Variants in TEPSIN observed in about 807,000 individuals in gnomAD.
TEPSIN encodes the protein TEPSIN adaptor related protein complex 4 accessory protein.
Under a neutral mutation model 48.5 loss-of-function variants are expected in TEPSIN, and 50 were observed. That is an observed-to-expected ratio of 1.03 (90% CI 0.82 to 1.31). The LOEUF is 1.31. TEPSIN is among the 50% of genes most tolerant of loss of function. TEPSIN has a pLI of 0.00. For missense variants in TEPSIN, 838 were observed against 815.9 expected (o/e 1.03, Z -0.33); for synonymous variants, 392 against 358.8 (o/e 1.09, Z -1.05).
rs375558884 is a variant in TEPSIN, at chr17:81,229,312, C to T, written c.1398G>A (p.Pro466=). The T allele has an allele frequency of 9.6e-6, 15 of 1,569,484 alleles. No individual in the cohort carries two copies. The highest frequency in any genetic ancestry group is 4.6e-5 in the East Asian group (2 of 43,082). The change falls in exon 13 of 13, where the codon CCG becomes CCA. Residue 466 remains proline (P), a synonymous_variant. Coordinates refer to ENST00000637944, the MANE Select transcript of TEPSIN (RefSeq NM_001363764.2). ...QVFLQPLSST[P]VSSRSPAPSS... ...AGGGAGCAGGGCTCCGGGACGAGAC[C>T]GGGGTTGAACTCAGAGGCTGCAGGA... is the stretch of plus-strand genomic sequence containing the variant.
chr17:81,231,398 C>A lies in TEPSIN; in HGVS notation c.1098G>T (p.Leu366=). The change falls in exon 11 of 13, where the codon CTG becomes CTT. Residue 366 remains leucine (L), a splice_region_variant and synonymous_variant. Transcript: ENST00000637944. ...HLRGTSECTQ[L]RALCAIASLG... Reference sequence around the variant, plus strand: ...CCTCCCGCCCGCGTGTGCAGCTCACCAGCTGCGTGCATTCACTGGTCCCAC... The same window carrying A: ...CCTCCCGCCCGCGTGTGCAGCTCACAAGCTGCGTGCATTCACTGGTCCCAC... 1.3e-6 allele frequency: 2 copies of A among 1,547,484 alleles called. No individual in the cohort carries two copies. Among genetic ancestry groups the A allele is most frequent in the Non-Finnish European group, 1.7e-6 (2 of 1,145,914 alleles).
Position 81,229,444 on chromosome 17 carries a change from C to A in TEPSIN, c.1266G>T (p.Gln422His). ...CTGAGGTGCCCCGGGCAGGGGACAG[C>A]TGCCCACAGGAGGCCTCAAAGTGCC... Reference protein sequence around the residue: ...ILRHFEASCGQLSPARGTSAE... With the variant: ...ILRHFEASCGHLSPARGTSAE... The change falls in exon 13 of 13, where the codon CAG (glutamine) becomes CAT (histidine). Residue 422 changes from glutamine to histidine, a missense_variant. Physicochemically the swap from Gln to His is conservative, Grantham distance 24. Coordinates refer to ENST00000637944, the MANE Select transcript of TEPSIN (RefSeq NM_001363764.2). The A allele has an allele frequency of 3.9e-6, 6 of 1,549,782 alleles. No individual in the cohort carries two copies. Among genetic ancestry groups the A allele is most frequent in the Non-Finnish European group, 5.2e-6 (6 of 1,146,698 alleles).
rs754342206 is a variant in TEPSIN, at chr17:81,237,114, TGCGCCAG to T, written c.122-50_122-44del. 14 of 1,537,904 alleles carry T rather than the reference TGCGCCAG, an allele frequency of 9.1e-6. No homozygotes were observed. In the African/African-American group the frequency reaches 1.8e-4, roughly 20 times the overall value. ...TAGGGAAGGGCGAGATGATGAGGGC[TGCGCCAG>T]GCCGCAGGGAGACCAGGCCATGGGG... is the stretch of plus-strand genomic sequence containing the variant. On this transcript the variant is annotated intron_variant, in intron 2 of 12. Coordinates refer to ENST00000637944, the MANE Select transcript of TEPSIN (RefSeq NM_001363764.2).
chr17:81,232,229 GGGAT>G, intron 8 of TEPSIN, 82 bp downstream of exon 8: 8 of 1,400,040 alleles, frequency 5.7e-6, no homozygotes, highest in Non-Finnish European at 7.6e-6. Flanking sequence ...GGGAGGCCCT[GGGAT>G]TTGCCTCCGT....
At chr17:81,237,984 T>C (rs2062755694) in intron 1 of TEPSIN, 1 of 998,144 alleles carries the variant, frequency 1.0e-6, no homozygotes, top group Non-Finnish European at 1.2e-6. Context: ...CGTACTTATT[T>C]GTTTCATGCT....
intron 12 of TEPSIN, 174 bp from the exon 13 acceptor site, chr17:81,229,650 CACCGAG>C: frequency 1.5e-6 from 1 of 665,040 alleles, no homozygotes; most frequent in Non-Finnish European, 2.6e-6. Flanking sequence ...GTTGTCATCC[CACCGAG>C]AGCAGCTGCT....
chr17:81,230,958 T>C lies in TEPSIN; in HGVS notation c.1099-280A>G. ...GCTCCCGGACACCAGAGCCATGTCCTCCCCGGCTCCTGGACAGACCCCAGC... is the reference window on the plus strand; with the variant it reads ...GCTCCCGGACACCAGAGCCATGTCCCCCCCGGCTCCTGGACAGACCCCAGC... On this transcript the variant is annotated intron_variant, in intron 11 of 12. Transcript: ENST00000637944. The surrounding 1 kb of genome is among the most constrained non-coding windows in gnomAD (Gnocchi z 4.2). The C allele has an allele frequency of 1.9e-6, 1 of 521,702 alleles. No homozygotes were observed. Among genetic ancestry groups the C allele is most frequent in the Non-Finnish European group, 3.4e-6 (1 of 295,992 alleles). 32.3% of individuals were successfully genotyped at this position (521,702 alleles called of 1,614,324 possible).
Position 81,233,987 on chromosome 17 carries a change from G to A in TEPSIN, c.369C>T (p.Ala123=), listed in dbSNP as rs78428832. The A allele has an allele frequency of 0.014, 22,455 of 1,599,630 alleles. 378 individuals carry two copies. Among genetic ancestry groups the A allele is most frequent in the South Asian group, 0.063 (5,566 of 88,986 alleles). ...GNSLYQKVRA[A]AQDLGSTLFS... ...ACACTGCTCCTGGGCTCACCTGCGC[G>A]GCCGCGCGAACCTTCTGGTACAAGC... The change falls in exon 5 of 13, where the codon GCC becomes GCT. Residue 123 remains alanine, a synonymous_variant. Coordinates refer to ENST00000637944, the MANE Select transcript of TEPSIN (RefSeq NM_001363764.2). This position sits in a 1 kb window ranked among gnomAD's most constrained non-coding sequence, Gnocchi z 5.8.
rs1262261992 is a variant in TEPSIN, at chr17:81,229,076, A to T, written c.1634T>A (p.Val545Glu). 6.2e-7 allele frequency: 1 copy of T among 1,613,532 alleles called. No individual in the cohort carries two copies. ...AGCCCCCACCAGGCGGGGACAGGCC[A>T]CCAGCTCCATGCCAGCAAACAAGGA... ...RDSLFAGMEL[V>E]ACPRLVGAGA... Residue 545 changes from valine to glutamate, a missense_variant, in exon 13 of 13, where the codon GTG becomes GAG. Val to Glu is a moderately radical substitution (Grantham distance 121, BLOSUM62 -2). Transcript: ENST00000637944.
intron 2 of TEPSIN, 151 bp from the exon 3 acceptor site, chr17:81,237,222 T>C (rs1374114952): frequency 2.3e-5 from 27 of 1,167,496 alleles, no homozygotes; most frequent in Non-Finnish European, 3.3e-5. Context: ...TAGGGTCCCC[T>C]GTGTCATCAG....
At chr17:81,229,600 A>AG in intron 12 of TEPSIN, 124 bp from the exon 13 acceptor site, 2 of 1,021,390 alleles carry the variant, frequency 2.0e-6, no homozygotes, top group South Asian at 1.5e-5. Flanking sequence ...ACCTCTGGGC[A>AG]GGACACCGGC....
chr17:81,233,635 T>C lies in TEPSIN; in HGVS notation c.454+3A>G, dbSNP rs2062665120. 1 of 1,597,932 alleles carries C rather than the reference T, an allele frequency of 6.3e-7. No homozygotes were observed. Among genetic ancestry groups the C allele is most frequent in the South Asian group, 1.1e-5 (1 of 88,108 alleles). The stretch of plus-strand genomic sequence containing the variant: ...GCTGGACACGGTCCCCTCAGTCACC[T>C]ACCTGTGGCAGGCGGGGTCCCCAGA... On this transcript the variant is annotated splice_donor_region_variant and intron_variant, in intron 6 of 12. Transcript: ENST00000637944. This position sits in a 1 kb window ranked among gnomAD's most constrained non-coding sequence, Gnocchi z 5.8.
chr17:81,230,968 C>T lies in TEPSIN; in HGVS notation c.1099-290G>A. 1 of 500,668 alleles carries T rather than the reference C, an allele frequency of 2.0e-6. No homozygotes were observed. Among genetic ancestry groups the T allele is most frequent in the Non-Finnish European group, 3.6e-6 (1 of 281,028 alleles). 31.0% of individuals were successfully genotyped at this position (500,668 alleles called of 1,614,324 possible). A position where few individuals can be genotyped will look rare whatever the true frequency, so the allele number is the denominator to read the frequency against. ...ACCAGAGCCATGTCCTCCCCGGCTC[C>T]TGGACAGACCCCAGCGAGAAGCACG... On this transcript the variant is annotated intron_variant, in intron 11 of 12. Coordinates refer to ENST00000637944, the MANE Select transcript of TEPSIN (RefSeq NM_001363764.2). This position sits in a 1 kb window ranked among gnomAD's most constrained non-coding sequence, Gnocchi z 4.2.
rs2146838146 is a variant in TEPSIN, at chr17:81,233,412, T to C, written c.526+20A>G. The C allele has an allele frequency of 3.1e-6, 5 of 1,608,870 alleles. No homozygotes were observed. The highest frequency in any genetic ancestry group is 1.3e-5 in the African/African-American group (1 of 74,818). ...CCACACCCTGAGATGCCAGAGCCCA[T>C]GCAGGCCCTCCCCACTCACCCGTGC... On this transcript the variant is annotated intron_variant, in intron 7 of 12. Transcript: ENST00000637944. This position sits in a 1 kb window ranked among gnomAD's most constrained non-coding sequence, Gnocchi z 5.8.
intron 4 of TEPSIN, among the ~76,000 whole-genome samples, chr17:81,235,215 G>T (rs1447455817): frequency 1.3e-5 from 2 of 152,218 alleles, no homozygotes; most frequent in Non-Finnish European, 2.9e-5. Flanking sequence ...AAGATAAAGT[G>T]CTCCTGACCG....
In TEPSIN at chr17:81,228,656, A is replaced by G. The variant is rs145684777; in HGVS notation, c.*272T>C. 3.0e-5 allele frequency: 16 copies of G among 531,806 alleles called. No homozygotes were observed. In the East Asian group the frequency reaches 4.2e-4, roughly 14 times the overall value. The allele number at this position is 531,806 out of a possible 1,614,324, so 32.9% of individuals were successfully genotyped here. A position where few individuals can be genotyped will look rare whatever the true frequency, so the allele number is the denominator to read the frequency against. On this transcript the variant is annotated 3_prime_UTR_variant, in exon 13 of 13. Transcript: ENST00000637944. ...CTTCCGCATTCATACAAGAAACCTC[A>G]TGTCTGAGAGCAAGACAGGCAGGGA...
chr17:81,233,953 C>A lies in TEPSIN; in HGVS notation c.375+28G>T, dbSNP rs763185535. The A allele has an allele frequency of 8.3e-5, 131 of 1,587,360 alleles. No homozygotes were observed. The highest frequency in any genetic ancestry group is 3.1e-5 in the Non-Finnish European group (36 of 1,171,686). On this transcript the variant is annotated intron_variant, in intron 5 of 12. Coordinates refer to ENST00000637944, the MANE Select transcript of TEPSIN (RefSeq NM_001363764.2). This position sits in a 1 kb window ranked among gnomAD's most constrained non-coding sequence, Gnocchi z 5.8. ...CCCCTCTACAGGAGGAGGGGCACCC[C>A]GCAGAGCGACACTGCTCCTGGGCTC...
Position 81,233,282 on chromosome 17 carries a change from A to C in TEPSIN, c.526+150T>G. Reference sequence around the variant, plus strand: ...CCCACGTCAGCAGCCAGAGAGAGACAGTGGGGACAGCCCCAGGAAGGGTTG... The same window carrying C: ...CCCACGTCAGCAGCCAGAGAGAGACCGTGGGGACAGCCCCAGGAAGGGTTG... On this transcript the variant is annotated intron_variant, in intron 7 of 12. Transcript: ENST00000637944. The surrounding 1 kb of genome is among the most constrained non-coding windows in gnomAD (Gnocchi z 5.8). The C allele has an allele frequency of 1.1e-6, 1 of 891,980 alleles. No individual in the cohort carries two copies. Among genetic ancestry groups the C allele is most frequent in the Non-Finnish European group, 1.7e-6 (1 of 598,880 alleles). 55.3% of individuals were successfully genotyped at this position (891,980 alleles called of 1,614,324 possible).
In TEPSIN at chr17:81,230,364, A is replaced by C; in HGVS notation, c.1233+180T>G. 1.3e-6 allele frequency: 1 copy of C among 767,434 alleles called. No homozygotes were observed. The highest frequency in any genetic ancestry group is 1.8e-5 in the South Asian group (1 of 55,208). The allele number at this position is 767,434 out of a possible 1,614,324, so 47.5% of individuals were successfully genotyped here. A position where few individuals can be genotyped will look rare whatever the true frequency, so the allele number is the denominator to read the frequency against. The stretch of plus-strand genomic sequence containing the variant: ...GAGTTTGGGTGGAAGGCGGGAAGGC[A>C]ATGGGGAGGTGAGGACCCTGACTTG... On this transcript the variant is annotated intron_variant, in intron 12 of 12. Transcript: ENST00000637944. This position sits in a 1 kb window ranked among gnomAD's most constrained non-coding sequence, Gnocchi z 4.2.
Sources: gnomAD v4.1 joint callset for allele counts (sites outside exome capture counted in the v4.1 genomes callset) on GRCh38, gnomAD v4.1.1 for gene constraint, Gnocchi (gnomAD v3.1) non-coding constraint, MANE v1.5 for transcripts, NCBI Gene and HGNC (gene_info 2026-07-23, HGNC 2026-07-21) for gene names.